Variants in GRB10 observed in about 807,000 individuals in gnomAD.
GRB10 encodes the protein growth factor receptor bound protein 10.
A neutral mutation model predicts 80.9 loss-of-function variants in GRB10; 20 were observed. The observed-to-expected ratio is 0.25, with a 90% CI of 0.17 to 0.36. GRB10 has a LOEUF of 0.36. Ranked by LOEUF, GRB10 falls within the 10% of genes least tolerant of loss-of-function variation. GRB10 has a pLI of 1.00. For missense variants in GRB10, 548 were observed against 747.7 expected, an observed-to-expected ratio of 0.73 and a Z score of 3.12; for synonymous variants, 291 against 291.5, an observed-to-expected ratio of 1.00 and a Z score of 0.02.
chr7:50,633,597 T>C (rs1233824563), intron 7 of GRB10, among the ~76,000 whole-genome samples: 1 of 151,818 alleles, frequency 6.6e-6, no homozygotes, highest in Non-Finnish European at 1.5e-5. Context: ...ATTCAAGATA[T>C]GAAGTGTAAG....
intron 4 of GRB10, among the ~76,000 whole-genome samples, chr7:50,714,378 T>G (rs1353921561): frequency 2.0e-5 from 3 of 152,180 alleles, no homozygotes; most frequent in Admixed American, 6.5e-5. Flanking sequence ...TAAATATAAC[T>G]TGAGGCCAGG....
intron 5 of GRB10, among the ~76,000 whole-genome samples, chr7:50,674,974 G>A (rs534491409): frequency 2.0e-5 from 3 of 152,102 alleles, no homozygotes; most frequent in Non-Finnish European, 4.4e-5. Flanking sequence ...CACCCCCTCC[G>A]GTAGGCCGCA....
At chr7:50,787,466 G>C (rs564109029), upstream of GRB10, among the ~76,000 whole-genome samples, 8 of 152,306 alleles carry the variant, frequency 5.3e-5, no homozygotes, top group African/African-American at 1.7e-4. Context: ...TTTGCTCTGG[G>C]TGTTGAGGAA....
chr7:50,763,647 A>G (rs2076018139), intron 2 of GRB10, among the ~76,000 whole-genome samples: 1 of 152,206 alleles, frequency 6.6e-6, no homozygotes, highest in South Asian at 2.1e-4. Flanking sequence ...CCCCCAGTTC[A>G]TGGCACCCAC....
At chr7:50,650,787 G>A (rs2057914433) in intron 7 of GRB10, among the ~76,000 whole-genome samples, 1 of 152,178 alleles carries the variant, frequency 6.6e-6, no homozygotes, top group Non-Finnish European at 1.5e-5. Context: ...GGAAGAAAAG[G>A]AGTAACAAGT....
intron 3 of GRB10, among the ~76,000 whole-genome samples, chr7:50,741,193 T>A (rs1447259502): frequency 6.6e-6 from 1 of 152,232 alleles, no homozygotes; most frequent in Admixed American, 6.5e-5. Flanking sequence ...TTGTTGCAGA[T>A]GTTGGTCTAT....
chr7:50,679,629 C>T (rs2061339863), intron 5 of GRB10, among the ~76,000 whole-genome samples: 2 of 152,204 alleles, frequency 1.3e-5, no homozygotes, highest in Middle Eastern at 3.2e-3. Flanking sequence ...AGAGCTTTCT[C>T]CACTACCCCC....
chr7:50,683,701 C>T (rs2061785631), intron 5 of GRB10, among the ~76,000 whole-genome samples: 1 of 152,004 alleles, frequency 6.6e-6, no homozygotes, highest in Non-Finnish European at 1.5e-5. Flanking sequence ...CATGCCACTG[C>T]ATTCCAGCCT....
chr7:50,668,993 G>A (rs763070078), intron 7 of GRB10, among the ~76,000 whole-genome samples: 2 of 152,144 alleles, frequency 1.3e-5, no homozygotes, highest in East Asian at 1.9e-4. Context: ...TTCTGCTTTC[G>A]GCAGATCATA....
intron 2 of GRB10, among the ~76,000 whole-genome samples, chr7:50,762,328 G>T (rs2075855673): frequency 6.6e-6 from 1 of 150,830 alleles, no homozygotes; most frequent in South Asian, 2.1e-4. Context: ...ATCCTTTGAA[G>T]AAAATAAAAA....
chr7:50,764,975 C>CA (rs1347616667), intron 2 of GRB10, among the ~76,000 whole-genome samples: 2 of 151,804 alleles, frequency 1.3e-5, no homozygotes, highest in African/African-American at 4.8e-5. Flanking sequence ...AATTCCATAG[C>CA]AAAAAAACAA....
chr7:50,615,702 T>C (rs897763579), intron 11 of GRB10, among the ~76,000 whole-genome samples: 3 of 151,932 alleles, frequency 2.0e-5, no homozygotes, highest in African/African-American at 7.3e-5. Flanking sequence ...CAGACAAGAG[T>C]GTACATGGGA....
intron 4 of GRB10, 52 bp downstream of exon 4, chr7:50,732,220 G>A: frequency 1.3e-6 from 2 of 1,563,378 alleles, no homozygotes; most frequent in South Asian, 1.1e-5. Flanking sequence ...GTGTGCCCTG[G>A]CCCTCGACCA....
At position 50,688,035 on chromosome 7, in the gene GRB10, A is replaced by G. The variant is rs1260044915; in HGVS notation, c.140-13377T>C. The stretch of plus-strand genomic sequence containing the variant: ...GTGGAGGGGAGGGAGGAACAGTACA[A>G]GAATCTAGCACTATGCCAAATGTTC... On this transcript the variant is annotated intron_variant, in intron 5 of 18. Transcript: ENST00000401949. 2.6e-5 allele frequency among the ~76,000 whole-genome samples: 4 copies of G among 152,366 alleles called. No homozygotes were observed. In the East Asian group the frequency reaches 7.7e-4, roughly 29 times the overall value.
chr7:50,709,992 C>G (rs1163365767), intron 4 of GRB10, among the ~76,000 whole-genome samples: 3 of 152,140 alleles, frequency 2.0e-5, no homozygotes, highest in Non-Finnish European at 4.4e-5. Flanking sequence ...ATGCCTCTCA[C>G]AGCACTCGGC....
rs1269028748 is a variant in GRB10 at position 50,732,371 on chromosome 7, G to C, written c.-46-3C>G. 1.3e-6 allele frequency: 2 copies of C among 1,539,310 alleles called. No individual in the cohort carries two copies. Among genetic ancestry groups the C allele is most frequent in the Non-Finnish European group, 1.8e-6 (2 of 1,112,446 alleles). On this transcript the variant is annotated splice_polypyrimidine_tract_variant and splice_region_variant and intron_variant, in intron 3 of 18. Coordinates refer to ENST00000401949, the MANE Select transcript of GRB10 (RefSeq NM_001350814.2). ...TTACATTTACTGCGCTGCAGCACCT[G>C]GAATAAAGACAGACTGTGAGAAGCC...
intron 3 of GRB10, 46 bp from the exon 4 acceptor site, chr7:50,732,414 A>G: frequency 8.6e-7 from 1 of 1,156,780 alleles, no homozygotes. Context: ...AAAAAAAAAA[A>G]AAAATCCACT....
At chr7:50,733,249 G>A (rs74560723) in intron 3 of GRB10, among the ~76,000 whole-genome samples, 6,289 of 152,284 alleles carry the variant, frequency 0.041, 453 homozygotes, top group African/African-American at 0.14. Context: ...AGAGGCCTCA[G>A]GAGAAACCAA....
intron 7 of GRB10, among the ~76,000 whole-genome samples, chr7:50,639,447 G>A (rs569777637): frequency 3.9e-5 from 6 of 152,138 alleles, no homozygotes; most frequent in South Asian, 2.1e-4. Context: ...AGGCCGAAGT[G>A]GGCGGATCAC....
Sources: allele counts gnomAD v4.1 joint callset (sites outside exome capture counted in the v4.1 genomes callset), GRCh38; gene constraint gnomAD v4.1.1; transcripts MANE v1.5; gene names NCBI Gene and HGNC (gene_info 2026-07-23, HGNC 2026-07-21).